ALOX5AP: variants seen among roughly 807,000 people sequenced by gnomAD.
ALOX5AP encodes the protein arachidonate 5-lipoxygenase activating protein, also known as arachidonate 5-lipoxygenase-activating protein.
ALOX5AP carries 9 observed loss-of-function variants against 18.5 expected under a neutral mutation model. The ratio of observed to expected loss-of-function variants is 0.49; its 90% CI spans 0.29 to 0.85. The LOEUF is 0.85. Ranked by LOEUF, ALOX5AP falls within the 40% of genes least tolerant of loss-of-function variation. The pLI is 0.08. For synonymous variants in ALOX5AP, 81 were observed against 78.6 expected (o/e 1.03, Z -0.16); for missense variants, 172 against 202.5 (o/e 0.85, Z 0.91).
chr13:30,729,940 C>T (rs180877459), intron 1 of ALOX5AP, among the ~76,000 whole-genome samples: 17 of 152,320 alleles, frequency 1.1e-4, no homozygotes, highest in Non-Finnish European at 4.4e-5. Context: ...TCATTTGCTT[C>T]ATTTACGTAC....
chr13:30,717,743 C>T (rs1435247346), intron 1 of ALOX5AP, among the ~76,000 whole-genome samples: 1 of 152,186 alleles, frequency 6.6e-6, no homozygotes, highest in Non-Finnish European at 1.5e-5. Flanking sequence ...ACCTGCCTAT[C>T]AGCCTCTACA....
At chr13:30,714,724 G>A (rs567792112) in intron 1 of ALOX5AP, among the ~76,000 whole-genome samples, 19 of 152,232 alleles carry the variant, frequency 1.2e-4, no homozygotes, top group Non-Finnish European at 2.2e-4. Flanking sequence ...TTCTGCTGGG[G>A]CATCTGTAGC....
At chr13:30,745,396 G>A (rs1370769413) in intron 2 of ALOX5AP, among the ~76,000 whole-genome samples, 2 of 152,044 alleles carry the variant, frequency 1.3e-5, no homozygotes, top group African/African-American at 4.8e-5. Flanking sequence ...TGCCCTCTGT[G>A]GGCATTTTCC....
chr13:30,752,231 C>T, intron 3 of ALOX5AP, 109 bp downstream of exon 3: 1 of 1,126,110 alleles, frequency 8.9e-7, no homozygotes, highest in Non-Finnish European at 1.3e-6. Flanking sequence ...TGGCTCCCAT[C>T]TGTGAAGCCC....
At chr13:30,759,429 A>G (rs1951923093) in intron 4 of ALOX5AP, among the ~76,000 whole-genome samples, 1 of 152,082 alleles carries the variant, frequency 6.6e-6, no homozygotes, top group African/African-American at 2.4e-5. Context: ...CATTCACTCA[A>G]CATTGATTCA....
chr13:30,757,941 A>AT, intron 4 of ALOX5AP, among the ~76,000 whole-genome samples: 1 of 152,208 alleles, frequency 6.6e-6, no homozygotes, highest in East Asian at 1.9e-4. Flanking sequence ...TCTTTAGGTG[A>AT]TAAGAAGAAG....
chr13:30,740,357 A>C (rs1210816895), intron 1 of ALOX5AP, among the ~76,000 whole-genome samples: 1 of 152,136 alleles, frequency 6.6e-6, no homozygotes, highest in East Asian at 1.9e-4. Context: ...GATAACCTCC[A>C]CCTGTGGTTG....
chr13:30,722,560 A>G (rs1165806704), intron 1 of ALOX5AP, among the ~76,000 whole-genome samples: 1 of 152,238 alleles, frequency 6.6e-6, no homozygotes, highest in Non-Finnish European at 1.5e-5. Flanking sequence ...GCAATGAAAG[A>G]ACATAGAGGA....
chr13:30,713,585 C>T, exon 1 of ALOX5AP: 1 of 645,950 alleles, frequency 1.5e-6, no homozygotes, highest in Non-Finnish European at 2.7e-6. Flanking sequence ...CTGATTCCTG[C>T]ACCCCACCTT....
chr13:30,713,712 C>G, exon 1 of ALOX5AP: 1 of 1,504,058 alleles, frequency 6.6e-7, no homozygotes, highest in Non-Finnish European at 8.9e-7. Flanking sequence ...CTCCAGAAGT[C>G]AACAGAAACA....
At chr13:30,723,342 C>T (rs1194821855) in intron 1 of ALOX5AP, among the ~76,000 whole-genome samples, 1 of 152,190 alleles carries the variant, frequency 6.6e-6, no homozygotes, top group African/African-American at 2.4e-5. Flanking sequence ...GTTCCAGCAC[C>T]ATTTGTTGAA....
At chr13:30,730,502 G>A (rs1169496969) in intron 1 of ALOX5AP, among the ~76,000 whole-genome samples, 1 of 152,178 alleles carries the variant, frequency 6.6e-6, no homozygotes, top group African/African-American at 2.4e-5. Flanking sequence ...CATAATTCCA[G>A]CCTGTAGACC....
chr13:30,744,013 C>CT, intron 1 of ALOX5AP, 47 bp from the exon 2 acceptor site: 1 of 1,534,318 alleles, frequency 6.5e-7, no homozygotes, highest in African/African-American at 1.4e-5. Context: ...TAACAGGCTC[C>CT]TGAACATGCC....
chr13:30,715,884 A>G (rs969426900), intron 1 of ALOX5AP, among the ~76,000 whole-genome samples: 1 of 152,156 alleles, frequency 6.6e-6, no homozygotes, highest in Non-Finnish European at 1.5e-5. Flanking sequence ...GGAAATATGT[A>G]TATATAGTAA....
chr13:30,763,884 G>A (rs561554504), intron 4 of ALOX5AP, 60 bp from the exon 5 acceptor site: 3 of 1,491,036 alleles, frequency 2.0e-6, no homozygotes, highest in South Asian at 2.4e-5. Context: ...ACATTTTTGT[G>A]TGTGTGAAAT....
At chr13:30,746,541 C>T (rs1294947666) in intron 2 of ALOX5AP, among the ~76,000 whole-genome samples, 1 of 142,830 alleles carries the variant, frequency 7.0e-6, no homozygotes, top group Non-Finnish European at 1.6e-5. Flanking sequence ...CAGCAGGCAG[C>T]TACATGCTGG....
At chr13:30,736,065 T>C (rs1412647971) in intron 1 of ALOX5AP, among the ~76,000 whole-genome samples, 1 of 152,234 alleles carries the variant, frequency 6.6e-6, no homozygotes, top group African/African-American at 2.4e-5. Flanking sequence ...TACTGGGCTT[T>C]TCTAACATCT....
intron 4 of ALOX5AP, among the ~76,000 whole-genome samples, chr13:30,763,694 C>G (rs1454248543): frequency 6.6e-6 from 1 of 152,246 alleles, no homozygotes; most frequent in Admixed American, 6.5e-5. Flanking sequence ...GGGGCGGGTA[C>G]AGCAGAGCCC....
At chr13:30,739,378 C>A (rs1376879763) in intron 1 of ALOX5AP, among the ~76,000 whole-genome samples, 1 of 152,316 alleles carries the variant, frequency 6.6e-6, no homozygotes, top group Admixed American at 6.5e-5. Flanking sequence ...GCACCCAGGA[C>A]ACTGCCTGGC....
Sources: gnomAD v4.1 joint callset for allele counts (sites outside exome capture counted in the v4.1 genomes callset) on GRCh38, gnomAD v4.1.1 for gene constraint, MANE v1.5 for transcripts, NCBI Gene and HGNC (gene_info 2026-07-23, HGNC 2026-07-21) for gene names.